PARVA: variants seen among roughly 807,000 people sequenced by gnomAD.
The protein encoded by PARVA is parvin alpha.
PARVA carries 25 observed loss-of-function variants against 52.6 expected under a neutral mutation model. The ratio of observed to expected loss-of-function variants is 0.48; its 90% CI spans 0.35 to 0.66. The LOEUF (loss-of-function observed/expected upper bound fraction) is 0.66, where lower values mean the gene tolerates loss of function less well. Among genes scored for constraint, PARVA ranks in the 30% least tolerant of loss-of-function variants. The pLI, the probability that PARVA is intolerant of heterozygous loss-of-function variation, is 0.01. For missense variants in PARVA, 373 were observed against 450.9 expected (o/e 0.83, Z 1.56); for synonymous variants, 185 against 179.1 (o/e 1.03, Z -0.26).
chr11:12,389,322 C>G (rs1303920515), intron 1 of PARVA, among the ~76,000 whole-genome samples: 1 of 152,172 alleles, frequency 6.6e-6, no homozygotes, highest in African/African-American at 2.4e-5. Flanking sequence ...CGTGGCTGCC[C>G]TGGGGACTGC....
At chr11:12,414,637 A>ATTT (rs11403070) in intron 1 of PARVA, among the ~76,000 whole-genome samples, 121 of 147,214 alleles carry the variant, frequency 8.2e-4, no homozygotes, top group East Asian at 3.9e-3. Context: ...TGAAAATTTC[A>ATTT]TTTTTTTTTT....
rs568645807 is a variant in PARVA, at chr11:12,443,953, G to A, written c.137-29792G>A. Among the ~76,000 whole-genome samples, 8 of 152,154 alleles carry A rather than the reference G, an allele frequency of 5.3e-5. No homozygotes were observed. In the South Asian group the frequency reaches 1.2e-3, roughly 24 times the overall value. ...TTTACTGCCTTACTATCTCATTCCT[G>A]TTTGCCTCATGTCATTTTCAGCGTG... On this transcript the variant is annotated intron_variant, in intron 1 of 12. Transcript: ENST00000334956.
upstream of PARVA, chr11:12,377,502 G>A (rs1939409831): frequency 7.7e-6 from 11 of 1,426,130 alleles, no homozygotes; most frequent in South Asian, 1.4e-5. Context: ...GCGAGGGAAG[G>A]GAAAGGCGAG....
chr11:12,411,440 C>T (rs1275121773), intron 1 of PARVA, among the ~76,000 whole-genome samples: 1 of 152,188 alleles, frequency 6.6e-6, no homozygotes, highest in Non-Finnish European at 1.5e-5. Context: ...AAAGTTCATA[C>T]TTTATTCAAA....
At chr11:12,386,980 T>C (rs1939580667) in intron 1 of PARVA, among the ~76,000 whole-genome samples, 1 of 152,216 alleles carries the variant, frequency 6.6e-6, no homozygotes, top group South Asian at 2.1e-4. Flanking sequence ...GGAATCAGCC[T>C]TCTTGTCTCA....
Position 12,532,073 on chromosome 11 carries a change from A to C in PARVA, c.*4148A>C, listed in dbSNP as rs1365091358. On this transcript the variant is annotated 3_prime_UTR_variant, in exon 13 of 13. Coordinates refer to ENST00000334956, the MANE Select transcript of PARVA (RefSeq NM_018222.5). ...CTGCTTATAGCCCATGCTTTACTACAGTGGTGGTCGCATATGTGAACGTGT... is the reference window on the plus strand; with the variant it reads ...CTGCTTATAGCCCATGCTTTACTACCGTGGTGGTCGCATATGTGAACGTGT... 2.0e-5 allele frequency among the ~76,000 whole-genome samples: 3 copies of C among 152,280 alleles called. No homozygotes were observed. Among genetic ancestry groups the C allele is most frequent in the Middle Eastern group, 3.4e-3 (1 of 294 alleles).
At chr11:12,462,867 C>A (rs1037337498) in intron 1 of PARVA, among the ~76,000 whole-genome samples, 1 of 152,138 alleles carries the variant, frequency 6.6e-6, no homozygotes, top group African/African-American at 2.4e-5. Context: ...CTGGAAACAA[C>A]CAACAACTTT....
rs1368970675 is a variant in PARVA, at chr11:12,393,474, C to A, written c.136+15691C>A. ...AGCTTATTTCTTGCTTACAGCACAA[C>A]CTGGTGGCATTGTTTTTGATTGAGT... On this transcript the variant is annotated intron_variant, in intron 1 of 12. Coordinates refer to ENST00000334956, the MANE Select transcript of PARVA (RefSeq NM_018222.5). Among the ~76,000 whole-genome samples, 4 of 152,198 alleles carry A rather than the reference C, an allele frequency of 2.6e-5. No homozygotes were observed. The East Asian group carries it at 7.7e-4, about 29-fold the overall frequency.
chr11:12,495,042 C>G (rs1459955528), intron 4 of PARVA, among the ~76,000 whole-genome samples: 1 of 152,176 alleles, frequency 6.6e-6, no homozygotes, highest in Non-Finnish European at 1.5e-5. Flanking sequence ...AAGAAAATAA[C>G]TTGTCATTTT....
chr11:12,421,221 T>C (rs1292593299), intron 1 of PARVA, among the ~76,000 whole-genome samples: 2 of 152,058 alleles, frequency 1.3e-5, no homozygotes, highest in African/African-American at 4.8e-5. Context: ...CCAAGCATGG[T>C]ACCCAAGAGG....
chr11:12,490,667 T>C (rs570358693), intron 4 of PARVA, among the ~76,000 whole-genome samples: 4 of 152,062 alleles, frequency 2.6e-5, no homozygotes, highest in South Asian at 2.1e-4. Context: ...TAAAATGCAA[T>C]AGTGAACAAA....
chr11:12,457,278 C>T (rs1323761591), intron 1 of PARVA, among the ~76,000 whole-genome samples: 3 of 152,178 alleles, frequency 2.0e-5, no homozygotes, highest in Non-Finnish European at 4.4e-5. Flanking sequence ...TACAGATTTG[C>T]TGTCAACATG....
At chr11:12,398,148 C>G (rs79843269) in intron 1 of PARVA, 2,984 of 152,218 alleles carry the variant, frequency 0.02, 89 homozygotes, top group African/African-American at 0.067. Context: ...CAACTAGGAG[C>G]AGACACCCAA....
rs78866632 is a variant in PARVA, at chr11:12,402,457, C to T, written c.136+24674C>T. Among the ~76,000 whole-genome samples, 296 of 152,316 alleles carry T rather than the reference C, an allele frequency of 1.9e-3. 2 individuals are homozygous for T. The highest frequency in any genetic ancestry group is 6.9e-3 in the African/African-American group (288 of 41,552). ...AAATGTTAACTAAGGTTGATGGGTA[C>T]TATGCAGTTAATTTCCTTTTTCCCC... is the stretch of plus-strand genomic sequence containing the variant. On this transcript the variant is annotated intron_variant, in intron 1 of 12. Transcript: ENST00000334956.
chr11:12,405,165 A>G (rs1939885437), intron 1 of PARVA, among the ~76,000 whole-genome samples: 1 of 152,172 alleles, frequency 6.6e-6, no homozygotes, highest in African/African-American at 2.4e-5. Context: ...CCAAAGAGAA[A>G]GGAACAAGAA....
At chr11:12,405,533 C>T (rs1939891308) in intron 1 of PARVA, among the ~76,000 whole-genome samples, 1 of 152,100 alleles carries the variant, frequency 6.6e-6, no homozygotes, top group African/African-American at 2.4e-5. Context: ...CACTGAACTC[C>T]AGCCTGCATG....
At chr11:12,472,208 A>G (rs1162857905) in intron 1 of PARVA, among the ~76,000 whole-genome samples, 3 of 152,190 alleles carry the variant, frequency 2.0e-5, no homozygotes, top group East Asian at 3.9e-4. Context: ...CTAAACACTA[A>G]TGATAGCTGA....
At chr11:12,493,632 A>T (rs920626411) in intron 4 of PARVA, among the ~76,000 whole-genome samples, 2 of 152,184 alleles carry the variant, frequency 1.3e-5, no homozygotes, top group Non-Finnish European at 2.9e-5. Flanking sequence ...AAGGAAAAAA[A>T]TTAATTTTAG....
intron 2 of PARVA, 33 bp downstream of exon 2, chr11:12,473,867 G>A (rs752961504): frequency 3.8e-6 from 6 of 1,562,546 alleles, no homozygotes; most frequent in Non-Finnish European, 5.2e-6. Context: ...ATTCGCTTAA[G>A]CTTTCCCATG....
Sources: gnomAD v4.1 joint callset for allele counts (sites outside exome capture counted in the v4.1 genomes callset) on GRCh38, gnomAD v4.1.1 for gene constraint, MANE v1.5 for transcripts, NCBI Gene and HGNC (gene_info 2026-07-23, HGNC 2026-07-21) for gene names.